Variants in DUSP16 observed in about 807,000 individuals in gnomAD.
The protein encoded by DUSP16 is dual specificity protein phosphatase 16.
A neutral mutation model predicts 58.3 loss-of-function variants in DUSP16; 21 were observed. That is an observed-to-expected ratio of 0.36 (90% confidence interval 0.26 to 0.52). The LOEUF (loss-of-function observed/expected upper bound fraction) is 0.52. Ranked by LOEUF, DUSP16 falls within the 20% of genes least tolerant of loss-of-function variation. The pLI is 0.94. For missense variants in DUSP16, 726 were observed against 819.0 expected (o/e 0.89, Z 1.39); for synonymous variants, 320 against 323.8 (o/e 0.99, Z 0.12).
chr12:12,478,788 TTTTAAA>T (rs1179623097), intron 6 of DUSP16, among the ~76,000 whole-genome samples: 1 of 152,234 alleles, frequency 6.6e-6, no homozygotes, highest in African/African-American at 2.4e-5. Flanking sequence ...ACAGTTCACA[TTTTAAA>T]TTTAATGACA....
intron 5 of DUSP16, among the ~76,000 whole-genome samples, chr12:12,481,291 G>A (rs980770390): frequency 6.6e-6 from 1 of 152,120 alleles, no homozygotes; most frequent in Middle Eastern, 3.2e-3. Flanking sequence ...CACTGCTGAG[G>A]GGCTTAACAA....
chr12:12,519,882 T>C lies in DUSP16; in HGVS notation c.347A>G (p.Asn116Ser), dbSNP rs772502119. The C allele has an allele frequency of 5.0e-6, 8 of 1,613,942 alleles. No homozygotes were observed. Among genetic ancestry groups the C allele is most frequent in the African/African-American group, 4.0e-5 (3 of 74,922 alleles). ...CTTACCTGCAAGCAGGTGAACAGAG[T>C]TGAAGCTCTTCTCCAGTTTACCCAG... ...VLLGKLEKSF[N>S]SVHLLAGGFA... Residue 116 changes from asparagine (N) to serine (S), a missense_variant, in exon 3 of 7, where the codon AAC (asparagine) becomes AGC (serine). Physicochemically the swap from Asn to Ser is conservative, Grantham distance 46 (BLOSUM62 1). Transcript: ENST00000298573.
intron 4 of DUSP16, among the ~76,000 whole-genome samples, chr12:12,495,233 T>TTA (rs1943812905): frequency 1.1e-5 from 1 of 93,610 alleles, no homozygotes; most frequent in Non-Finnish European, 2.1e-5. Flanking sequence ...AGTAAAGCCA[T>TTA]TACAAAAAAA....
intron 1 of DUSP16, among the ~76,000 whole-genome samples, chr12:12,551,155 T>C (rs559444863): frequency 1.3e-5 from 2 of 152,140 alleles, no homozygotes; most frequent in South Asian, 4.2e-4. Context: ...CTTTGGTATC[T>C]GGCAGACATT....
intron 3 of DUSP16, among the ~76,000 whole-genome samples, chr12:12,514,487 T>C (rs933690759): frequency 6.6e-6 from 1 of 152,232 alleles, no homozygotes; most frequent in Non-Finnish European, 1.5e-5. Context: ...ATCTAAAGTT[T>C]AGCAGTAACA....
chr12:12,535,095 GCAGAAA>G (rs1395701730), intron 1 of DUSP16, among the ~76,000 whole-genome samples: 1 of 152,166 alleles, frequency 6.6e-6, no homozygotes, highest in Non-Finnish European at 1.5e-5. Flanking sequence ...CTCTGCACAT[GCAGAAA>G]AAGCTGGCTT....
At chr12:12,553,054 T>G (rs1944756256) in intron 1 of DUSP16, among the ~76,000 whole-genome samples, 1 of 152,188 alleles carries the variant, frequency 6.6e-6, no homozygotes, top group Admixed American at 6.5e-5. Flanking sequence ...GTGTTGGGAT[T>G]ACAGGCATGA....
chr12:12,521,729 G>T (rs915934003), intron 1 of DUSP16, among the ~76,000 whole-genome samples: 3 of 152,024 alleles, frequency 2.0e-5, no homozygotes, highest in African/African-American at 7.2e-5. Context: ...AATCACCTAG[G>T]GCTCAGAACT....
Position 12,477,898 on chromosome 12 carries a change from G to C in DUSP16, c.933C>G (p.Leu311=). The part of the protein sequence containing the change: ...QTGASGPKSK[L]KLLHLEKPNE... ...TTGGCTTCTCCAGGTGCAGCAGCTT[G>C]AGTTTGCTCTTTGGCCCTGATGCTC... The change falls in exon 7 of 7, where the codon CTC becomes CTG. Residue 311 remains leucine, a synonymous_variant. Transcript: ENST00000298573. This position sits in a 1 kb window ranked among gnomAD's most constrained non-coding sequence, Gnocchi z 4.1. 1 of 1,614,200 alleles carries C rather than the reference G, an allele frequency of 6.2e-7. No homozygotes were observed. Among genetic ancestry groups the C allele is most frequent in the South Asian group, 1.1e-5 (1 of 91,076 alleles).
intron 3 of DUSP16, among the ~76,000 whole-genome samples, chr12:12,512,312 T>C (rs10845568): frequency 0.43 from 65,105 of 152,040 alleles, 15,463 homozygotes; most frequent in Non-Finnish European, 0.53. Context: ...TTACCTCACA[T>C]AGCCATGCTC....
At chr12:12,546,392 C>A (rs1375029980) in intron 1 of DUSP16, among the ~76,000 whole-genome samples, 4 of 152,196 alleles carry the variant, frequency 2.6e-5, no homozygotes, top group Non-Finnish European at 5.9e-5. Context: ...AAATATATTT[C>A]AATCCTTGAG....
rs142193315 is a variant in DUSP16, at chr12:12,536,144, C to T, written c.-365-14681G>A. Reference sequence around the variant, plus strand: ...ACAGTTTTAGTTGCCTATGGATGCGCTCAGTCTAGAATGGTAACTATAAAA... The same window carrying T: ...ACAGTTTTAGTTGCCTATGGATGCGTTCAGTCTAGAATGGTAACTATAAAA... On this transcript the variant is annotated intron_variant, in intron 1 of 6. Transcript: ENST00000298573. Among the ~76,000 whole-genome samples, 746 of 152,300 alleles carry T rather than the reference C, an allele frequency of 4.9e-3. 5 individuals are homozygous for T. Among genetic ancestry groups the T allele is most frequent in the Non-Finnish European group, 8.0e-3 (543 of 68,028 alleles).
intron 4 of DUSP16, among the ~76,000 whole-genome samples, chr12:12,499,594 C>A (rs1472514814): frequency 6.6e-6 from 1 of 152,154 alleles, no homozygotes; most frequent in Non-Finnish European, 1.5e-5. Context: ...GAAAGCCAGT[C>A]TGGAAGCTTA....
chr12:12,482,448 CA>C (rs1253398016), intron 5 of DUSP16, among the ~76,000 whole-genome samples: 2 of 151,992 alleles, frequency 1.3e-5, no homozygotes, highest in African/African-American at 4.8e-5. Flanking sequence ...ATGAAAAAAA[CA>C]AGTGACTATA....
At chr12:12,556,710 TGA>T (rs1331801136) in intron 1 of DUSP16, among the ~76,000 whole-genome samples, 3 of 152,342 alleles carry the variant, frequency 2.0e-5, no homozygotes, top group Admixed American at 1.3e-4. Context: ...TTGACCACTA[TGA>T]AGGACATCTT....
At chr12:12,486,481 A>AGAGTGTGT (rs1402961298) in intron 5 of DUSP16, among the ~76,000 whole-genome samples, 2 of 147,262 alleles carry the variant, frequency 1.4e-5, no homozygotes, top group South Asian at 4.3e-4. Flanking sequence ...ACCAAATGAG[A>AGAGTGTGT]GTGTGTGTGT....
intron 5 of DUSP16, among the ~76,000 whole-genome samples, chr12:12,484,020 C>CT (rs1260998036): frequency 2.6e-5 from 4 of 151,706 alleles, no homozygotes; most frequent in Non-Finnish European, 4.4e-5. Context: ...TTACATTTAT[C>CT]TTTAAGAATT....
rs975102925 is a variant in DUSP16, at chr12:12,562,409, A to G, written c.-658T>C. 1 of 151,592 alleles carries G rather than the reference A, an allele frequency of 6.6e-6. No individual in the cohort carries two copies. The highest frequency in any genetic ancestry group is 1.5e-5 in the Non-Finnish European group (1 of 67,868). 9.4% of individuals were successfully genotyped at this position (151,592 alleles called of 1,614,324 possible). ...ACCCTCCCCCCCATCAGCCTTCAAA[A>G]AAAATGTCGAAAGAGATGAAGAACT... On this transcript the variant is annotated 5_prime_UTR_variant, in exon 1 of 7. Coordinates refer to ENST00000298573, the MANE Select transcript of DUSP16 (RefSeq NM_030640.3).
At chr12:12,499,113 CA>C (rs1252997248) in intron 4 of DUSP16, among the ~76,000 whole-genome samples, 1 of 152,096 alleles carries the variant, frequency 6.6e-6, no homozygotes, top group Non-Finnish European at 1.5e-5. Flanking sequence ...TCAAAAGTAA[CA>C]AAAACTATCT....
Sources: gnomAD v4.1 joint callset for allele counts (sites outside exome capture counted in the v4.1 genomes callset) on GRCh38, gnomAD v4.1.1 for gene constraint, Gnocchi (gnomAD v3.1) non-coding constraint, MANE v1.5 for transcripts, NCBI Gene and HGNC (gene_info 2026-07-23, HGNC 2026-07-21) for gene names.